Variants in MCC observed in about 807,000 individuals in gnomAD.
MCC encodes MCC regulator of Wnt signaling pathway.
In MCC, 90 loss-of-function variants were observed where a neutral mutation model predicts 116.2. The observed-to-expected ratio is 0.77, with a 90% CI of 0.65 to 0.92. The LOEUF is 0.92. MCC is among the 40% of genes least tolerant of loss of function. MCC has a pLI of 0.00. For synonymous variants in MCC, 578 were observed against 510.5 expected (o/e 1.13, Z -1.78); for missense variants, 1,516 against 1,312.2 (o/e 1.16, Z -2.40).
At chr5:113,322,732 G>A (rs1239929260) in intron 3 of MCC, among the ~76,000 whole-genome samples, 1 of 152,130 alleles carries the variant, frequency 6.6e-6, no homozygotes, top group African/African-American at 2.4e-5. Context: ...CACTGGGCTG[G>A]GTACAGAGGA....
intron 9 of MCC, 50 bp from the exon 10 acceptor site, chr5:113,084,240 A>C: frequency 7.1e-7 from 1 of 1,415,204 alleles, no homozygotes; most frequent in Non-Finnish European, 1.0e-6. Flanking sequence ...CACTCCTCAG[A>C]TAAACTGTTG....
At chr5:113,465,369 T>C (rs1771873154) in intron 1 of MCC, among the ~76,000 whole-genome samples, 1 of 152,064 alleles carries the variant, frequency 6.6e-6, no homozygotes, top group South Asian at 2.1e-4. Flanking sequence ...AAAATTCATA[T>C]ACACAAAAAT....
intron 2 of MCC, among the ~76,000 whole-genome samples, chr5:113,362,361 T>A (rs1046868209): frequency 5.3e-5 from 8 of 152,322 alleles, no homozygotes; most frequent in African/African-American, 1.9e-4. Context: ...TTGTCGAGAC[T>A]TGTTTTATGG....
chr5:113,355,310 T>G (rs1286962576), intron 2 of MCC, among the ~76,000 whole-genome samples: 1 of 152,196 alleles, frequency 6.6e-6, no homozygotes, highest in Non-Finnish European at 1.5e-5. Flanking sequence ...ACATTATTTC[T>G]ATTACCTTTT....
intron 5 of MCC, among the ~76,000 whole-genome samples, chr5:113,126,821 T>C (rs1470740085): frequency 6.6e-6 from 1 of 152,210 alleles, no homozygotes; most frequent in Non-Finnish European, 1.5e-5. Context: ...TATGTGTGGA[T>C]TTTTAACTGC....
chr5:113,114,367 T>C (rs1757276124), intron 6 of MCC, among the ~76,000 whole-genome samples: 1 of 152,144 alleles, frequency 6.6e-6, no homozygotes, highest in Non-Finnish European at 1.5e-5. Context: ...ACTGGAGAGC[T>C]CTCCTGTAAG....
rs141042091 is a variant in MCC, at chr5:113,408,859, A to G, written c.171-23647T>C. The stretch of plus-strand genomic sequence containing the variant: ...GATGGATGAACATGTACCAGGCTTC[A>G]GGGCAGATGGCCTAGCCTGTCCCTA... On this transcript the variant is annotated intron_variant, in intron 1 of 18. Coordinates refer to ENST00000408903, the MANE Select transcript of MCC (RefSeq NM_001085377.2). Among the ~76,000 whole-genome samples, 1,002 of 152,346 alleles carry G rather than the reference A, an allele frequency of 6.6e-3. 8 individuals are homozygous for G. The highest frequency in any genetic ancestry group is 0.014 in the Middle Eastern group (4 of 294).
In MCC at chr5:113,207,549, C is replaced by G. The variant is rs1274011028; in HGVS notation, c.628-56127G>C. Among the ~76,000 whole-genome samples the G allele has an allele frequency of 2.6e-5, 4 of 152,230 alleles. No individual in the cohort carries two copies. In the East Asian group the frequency reaches 7.7e-4, roughly 29 times the overall value. ...ATTGTTCTTACAAAACAATACTTAT[C>G]TTTGTTCTTTTGTTCTTTTCATCTG... On this transcript the variant is annotated intron_variant, in intron 3 of 18. Coordinates refer to ENST00000408903, the MANE Select transcript of MCC (RefSeq NM_001085377.2).
intron 3 of MCC, among the ~76,000 whole-genome samples, chr5:113,241,392 A>T (rs919438705): frequency 2.0e-5 from 3 of 152,202 alleles, no homozygotes; most frequent in African/African-American, 7.2e-5. Context: ...AACTTCCTCA[A>T]CTCTGCGATA....
chr5:113,220,029 G>C (rs146419955), intron 3 of MCC, among the ~76,000 whole-genome samples: 94 of 132,420 alleles, frequency 7.1e-4, no homozygotes, highest in African/African-American at 2.3e-3. Flanking sequence ...ACATTTCCAT[G>C]TTAACTTTGG....
chr5:113,280,071 C>A (rs1765982175), intron 3 of MCC, among the ~76,000 whole-genome samples: 1 of 152,228 alleles, frequency 6.6e-6, no homozygotes. Context: ...CATTCGGCCT[C>A]CACACTGATC....
chr5:113,167,837 C>T (rs1760858041), intron 3 of MCC, among the ~76,000 whole-genome samples: 1 of 152,052 alleles, frequency 6.6e-6, no homozygotes, highest in African/African-American at 2.4e-5. Flanking sequence ...GTTATGTTGC[C>T]CAGACTGGTC....
In MCC at chr5:113,303,360, ACCTT is replaced by A; in HGVS notation, c.627+37155_627+37158del. On this transcript the variant is annotated intron_variant, in intron 3 of 18. Transcript: ENST00000408903. ...AATTCTTTCAGGTTGGATAGAAATT[ACCTT>A]CCACCAAAACCAACTTTAATTGCAG... Among the ~76,000 whole-genome samples the A allele has an allele frequency of 3.3e-5, 5 of 152,358 alleles. 1 individual carries two copies. Among genetic ancestry groups the A allele is most frequent in the Admixed American group, 3.3e-4 (5 of 15,308 alleles).
At chr5:113,075,162 G>T (rs1297032593) in intron 11 of MCC, among the ~76,000 whole-genome samples, 1 of 152,242 alleles carries the variant, frequency 6.6e-6, no homozygotes, top group African/African-American at 2.4e-5. Context: ...CCTGGGCAGT[G>T]AGGGGCTTAG....
At chr5:113,109,678 G>A (rs1029807439) in intron 6 of MCC, among the ~76,000 whole-genome samples, 19 of 152,178 alleles carry the variant, frequency 1.2e-4, no homozygotes, top group Non-Finnish European at 1.5e-5. Flanking sequence ...ATGTATATCA[G>A]TGAGTAAAAT....
At chr5:113,255,142 G>A (rs1764959574) in intron 3 of MCC, among the ~76,000 whole-genome samples, 1 of 152,154 alleles carries the variant, frequency 6.6e-6, no homozygotes, top group Non-Finnish European at 1.5e-5. Flanking sequence ...TCCACCCTAG[G>A]TGACAAGAGC....
intron 6 of MCC, among the ~76,000 whole-genome samples, chr5:113,116,995 T>C (rs940861062): frequency 2.6e-5 from 4 of 152,224 alleles, no homozygotes; most frequent in Non-Finnish European, 5.9e-5. Context: ...ATGAACTAGT[T>C]AGAGTACAAC....
chr5:113,104,396 A>C, intron 6 of MCC, 41 bp from the exon 7 acceptor site: 1 of 1,547,482 alleles, frequency 6.5e-7, no homozygotes, highest in Non-Finnish European at 8.8e-7. Flanking sequence ...ACAGGGCAAC[A>C]AATGCTGTCT....
chr5:113,372,381 C>A (rs1324033704), intron 2 of MCC, among the ~76,000 whole-genome samples: 1 of 152,170 alleles, frequency 6.6e-6, no homozygotes, highest in African/African-American at 2.4e-5. Flanking sequence ...AGAATTTAGA[C>A]CACCACAAAA....
Sources: gnomAD v4.1 joint callset for allele counts (sites outside exome capture counted in the v4.1 genomes callset) on GRCh38, gnomAD v4.1.1 for gene constraint, MANE v1.5 for transcripts, NCBI Gene and HGNC (gene_info 2026-07-23, HGNC 2026-07-21) for gene names.